The following MECOM variants were observed in gnomAD, a reference collection of about 807,000 sequenced individuals.
The protein encoded by MECOM is MDS1 and EVI1 complex locus.
A neutral mutation model predicts 116.3 loss-of-function variants in MECOM; 13 were observed. The observed-to-expected ratio is 0.11, with a 90% CI of 0.07 to 0.18. MECOM has a LOEUF of 0.18. MECOM is among the 10% of genes least tolerant of loss of function. MECOM has a pLI of 1.00. For missense variants in MECOM, 1,299 were observed against 1,509.0 expected, an observed-to-expected ratio of 0.86 and a Z score of 2.31; for synonymous variants, 528 against 535.2, an observed-to-expected ratio of 0.99 and a Z score of 0.19.
At chr3:169,553,994 G>A (rs1761720347) in intron 1 of MECOM, among the ~76,000 whole-genome samples, 1 of 152,146 alleles carries the variant, frequency 6.6e-6, no homozygotes, top group Non-Finnish European at 1.5e-5. Flanking sequence ...GGGAGGGCGG[G>A]GAGGGTCACA....
At chr3:169,346,305 T>C (rs1480712647) in intron 2 of MECOM, among the ~76,000 whole-genome samples, 1 of 152,142 alleles carries the variant, frequency 6.6e-6, no homozygotes, top group Non-Finnish European at 1.5e-5. Context: ...ATGAACTGCA[T>C]ATTTTCAAAG....
chr3:169,481,486 G>A (rs1751276726), intron 1 of MECOM, among the ~76,000 whole-genome samples: 2 of 152,066 alleles, frequency 1.3e-5, no homozygotes, highest in African/African-American at 4.8e-5. Context: ...CTGGGAGGCA[G>A]GGGGTGCAGT....
At chr3:169,212,636 GTA>G (rs61115570) in intron 2 of MECOM, among the ~76,000 whole-genome samples, 107 of 26,028 alleles carry the variant, frequency 4.1e-3, no homozygotes, top group South Asian at 6.9e-3. Context: ...AGTCAGCAAT[GTA>G]TATATATATA....
Position 169,523,256 on chromosome 3 carries a change from G to A in MECOM, c.37+140080C>T, listed in dbSNP as rs944988661. Among the ~76,000 whole-genome samples the A allele has an allele frequency of 9.9e-5, 15 of 152,126 alleles. 1 individual carries two copies. Among genetic ancestry groups the A allele is most frequent in the African/African-American group, 3.6e-4 (15 of 41,434 alleles). ...GGCAAAGGACAATAAAGGGTCTTGG[G>A]AAGTGCCTCTGTCCTCCCTTCTGGG... On this transcript the variant is annotated intron_variant, in intron 1 of 16. Coordinates refer to ENST00000651503, the MANE Select transcript of MECOM (RefSeq NM_004991.4).
intron 2 of MECOM, among the ~76,000 whole-genome samples, chr3:169,162,496 C>T (rs1742992288): frequency 6.6e-6 from 1 of 152,058 alleles, no homozygotes; most frequent in Non-Finnish European, 1.5e-5. Context: ...GTAGGGGAAG[C>T]TTCATGAAAG....
intron 3 of MECOM, among the ~76,000 whole-genome samples, chr3:169,137,248 C>CAT (rs1736634437): frequency 1.3e-5 from 2 of 152,048 alleles, no homozygotes; most frequent in South Asian, 2.1e-4. Context: ...TTCATATGGA[C>CAT]ATATCTGTCA....
intron 2 of MECOM, among the ~76,000 whole-genome samples, chr3:169,357,379 G>A (rs1727445743): frequency 6.6e-6 from 1 of 151,764 alleles, no homozygotes; most frequent in Non-Finnish European, 1.5e-5. Context: ...ACATAAAAGA[G>A]CCAAAGCTCC....
chr3:169,196,175 G>C (rs1249588462), intron 2 of MECOM, among the ~76,000 whole-genome samples: 1 of 151,904 alleles, frequency 6.6e-6, no homozygotes, highest in Non-Finnish European at 1.5e-5. Context: ...CTTTTCTAAA[G>C]GAAACATAAT....
At chr3:169,642,459 A>G (rs181413603) in intron 1 of MECOM, among the ~76,000 whole-genome samples, 80 of 151,770 alleles carry the variant, frequency 5.3e-4, no homozygotes, top group African/African-American at 1.8e-3. Context: ...AAAAAAAAAA[A>G]AAAGAAAAGA....
chr3:169,313,594 G>A (rs1250480267), intron 2 of MECOM, among the ~76,000 whole-genome samples: 1 of 152,194 alleles, frequency 6.6e-6, no homozygotes, highest in African/African-American at 2.4e-5. Flanking sequence ...AGAATAAGAG[G>A]GGACAGATAC....
chr3:169,192,008 G>A (rs986924108), intron 2 of MECOM, among the ~76,000 whole-genome samples: 2 of 151,860 alleles, frequency 1.3e-5, no homozygotes, highest in Admixed American at 6.6e-5. Context: ...GGCATTAGCC[G>A]GTTTGTGTCT....
intron 1 of MECOM, among the ~76,000 whole-genome samples, chr3:169,418,994 A>G (rs564120310): frequency 7.9e-5 from 12 of 152,146 alleles, no homozygotes; most frequent in Non-Finnish European, 1.5e-4. Context: ...ATTTAGGAAA[A>G]CACATTGTCT....
intron 1 of MECOM, among the ~76,000 whole-genome samples, chr3:169,612,524 A>C (rs568032174): frequency 6.6e-6 from 1 of 151,640 alleles, no homozygotes; most frequent in Non-Finnish European, 1.5e-5. Context: ...GGTAGTTTTA[A>C]TCTGTATGTT....
At chr3:169,291,831 T>A (rs1714619070) in intron 2 of MECOM, among the ~76,000 whole-genome samples, 1 of 152,216 alleles carries the variant, frequency 6.6e-6, no homozygotes, top group Non-Finnish European at 1.5e-5. Flanking sequence ...ATTCTGTGTC[T>A]AAATTTGAGT....
chr3:169,219,544 C>T (rs1312232579), intron 2 of MECOM, among the ~76,000 whole-genome samples: 1 of 151,886 alleles, frequency 6.6e-6, no homozygotes, highest in East Asian at 1.9e-4. Flanking sequence ...TTAATGAGAT[C>T]ATTCCTAGGT....
chr3:169,574,884 A>T (rs1764307519), intron 1 of MECOM, among the ~76,000 whole-genome samples: 1 of 152,160 alleles, frequency 6.6e-6, no homozygotes, highest in African/African-American at 2.4e-5. Flanking sequence ...AAAACTTGTC[A>T]CATTCATCAA....
intron 2 of MECOM, among the ~76,000 whole-genome samples, chr3:169,334,105 G>T (rs1723194769): frequency 6.6e-6 from 1 of 151,882 alleles, no homozygotes. Flanking sequence ...GCTCTCTTCT[G>T]CTTTCTCATA....
chr3:169,625,958 GA>G (rs1394593988), intron 1 of MECOM, among the ~76,000 whole-genome samples: 3 of 152,196 alleles, frequency 2.0e-5, no homozygotes, highest in Non-Finnish European at 4.4e-5. Flanking sequence ...CTAGCATGTT[GA>G]AAATACAGCA....
At chr3:169,129,689 A>G (rs1343498399) in intron 4 of MECOM, among the ~76,000 whole-genome samples, 1 of 152,166 alleles carries the variant, frequency 6.6e-6, no homozygotes, top group Non-Finnish European at 1.5e-5. Flanking sequence ...GACCTCAGCC[A>G]GGAGTCCGAA....
Sources: allele counts gnomAD v4.1 joint callset (sites outside exome capture counted in the v4.1 genomes callset), GRCh38; gene constraint gnomAD v4.1.1; transcripts MANE v1.5; gene names NCBI Gene and HGNC (gene_info 2026-07-23, HGNC 2026-07-21).